The following RC3H1 variants were observed in gnomAD, a reference collection of about 807,000 sequenced individuals.
The protein encoded by RC3H1 is roquin-1.
Under a neutral mutation model 138.2 loss-of-function variants are expected in RC3H1, and 50 were observed. The ratio of observed to expected loss-of-function variants is 0.36; its 90% CI spans 0.29 to 0.46. The LOEUF is 0.46. RC3H1 is among the 20% of genes least tolerant of loss of function. RC3H1 has a pLI of 1.00. For synonymous variants in RC3H1, 462 were observed against 489.1 expected, an observed-to-expected ratio of 0.94 and a Z score of 0.73; for missense variants, 1,031 against 1,388.1, an observed-to-expected ratio of 0.74 and a Z score of 4.09.
At chr1:173,939,546 A>G (rs185281458) in intron 19 of RC3H1, among the ~76,000 whole-genome samples, 4,212 of 147,126 alleles carry the variant, frequency 0.029, 96 homozygotes, top group Middle Eastern at 0.083. Flanking sequence ...AAAAAAAAAA[A>G]AAAAAAAAAG....
At chr1:173,986,113 C>G (rs1661021241) in intron 2 of RC3H1, among the ~76,000 whole-genome samples, 2 of 151,334 alleles carry the variant, frequency 1.3e-5, no homozygotes, top group South Asian at 4.2e-4. Context: ...CCTCCGCCTC[C>G]TGGGTTCCAG....
chr1:173,980,829 T>C lies in RC3H1; in HGVS notation c.949A>G (p.Met317Val), dbSNP rs747298441. ...CCTACCTTGTCAATAATGGACTGCA[T>C]ATGAGATTTGTGAGACTGGTCTCCA... ...LYGDQSHKSH[M>V]QSIIDKLQTP... Residue 317 changes from methionine to valine, a missense_variant, in exon 6 of 20, where the codon ATG (methionine) becomes GTG (valine). By Grantham distance (21) the Met-to-Val change is conservative (BLOSUM62 1). This residue lies in a region of RC3H1 where 142 missense variants were observed against 224.6 expected (regional missense o/e 0.63). Transcript: ENST00000367696. The C allele has an allele frequency of 6.2e-7, 1 of 1,614,062 alleles. No homozygotes were observed. The highest frequency in any genetic ancestry group is 1.7e-5 in the Admixed American group (1 of 60,022).
rs777314717 is a variant in RC3H1 at position 173,946,585 on chromosome 1, A to G, written c.2852T>C (p.Val951Ala). The G allele has an allele frequency of 6.8e-6, 11 of 1,613,944 alleles. No homozygotes were observed. The highest frequency in any genetic ancestry group is 9.3e-6 in the Non-Finnish European group (11 of 1,179,942). ...SERERISMSE[V>A]ASHGKPLPSA... ...TGGAAGGGGTTTTCCATGACTGGCC[A>G]CTTCTGACATAGATATTCTCTCCCT... The change falls in exon 17 of 20, where the codon GTG becomes GCG. Residue 951 changes from valine (V) to alanine (A), a missense_variant. Val to Ala is a moderately conservative substitution (Grantham distance 64). This residue lies in a region of RC3H1 where 716 missense variants were observed against 837.9 expected (regional missense o/e 0.85). Transcript: ENST00000367696.
At chr1:174,017,871 A>C (rs1279388737) in intron 1 of RC3H1, among the ~76,000 whole-genome samples, 1 of 142,100 alleles carries the variant, frequency 7.0e-6, no homozygotes, top group Non-Finnish European at 1.5e-5. Flanking sequence ...ATGCACTTAT[A>C]AGTTAAATTA....
chr1:174,011,746 G>A (rs1433947512), intron 1 of RC3H1, among the ~76,000 whole-genome samples: 1 of 152,126 alleles, frequency 6.6e-6, no homozygotes, highest in Non-Finnish European at 1.5e-5. Flanking sequence ...TTAGGAAGAT[G>A]CAAGTTCATA....
At chr1:173,984,974 T>C (rs2103017665) in intron 2 of RC3H1, among the ~76,000 whole-genome samples, 1 of 152,326 alleles carries the variant, frequency 6.6e-6, no homozygotes, top group Admixed American at 6.5e-5. Context: ...TACCCCTTAT[T>C]TCTTCCCAAC....
chr1:173,990,235 C>T (rs1474618923), intron 2 of RC3H1, among the ~76,000 whole-genome samples: 2 of 151,720 alleles, frequency 1.3e-5, no homozygotes, highest in Admixed American at 6.6e-5. Flanking sequence ...ACCTTCACAC[C>T]TGGCTAATTT....
chr1:173,970,453 C>T lies in RC3H1; in HGVS notation c.1334+52G>A, dbSNP rs182288115. On this transcript the variant is annotated intron_variant, in intron 9 of 19. Coordinates refer to ENST00000367696, the MANE Select transcript of RC3H1 (RefSeq NM_172071.4). ...CTCTTTCTGTATTTCTGTATGTCAG[C>T]GAATTATTCCACTTACACCTTATTC... The T allele has an allele frequency of 2.3e-4, 270 of 1,159,926 alleles. 1 individual carries two copies. The African/African-American group carries it at 3.8e-3, about 16-fold the overall frequency. 71.9% of individuals were successfully genotyped at this position (1,159,926 alleles called of 1,614,324 possible).
intron 10 of RC3H1, 92 bp downstream of exon 10, chr1:173,964,744 GTTT>G: frequency 2.1e-6 from 2 of 941,876 alleles, no homozygotes; most frequent in Non-Finnish European, 3.0e-6. Context: ...AATAATCAGG[GTTT>G]TTTTTTTTTA....
chr1:173,975,345 T>C (rs1324549020), intron 7 of RC3H1, among the ~76,000 whole-genome samples: 2 of 152,008 alleles, frequency 1.3e-5, no homozygotes, highest in South Asian at 2.1e-4. Context: ...CCGCCCGCCT[T>C]GGCCTCCCAA....
chr1:173,983,031 G>T, intron 4 of RC3H1, 129 bp from the exon 5 acceptor site: 2 of 748,544 alleles, frequency 2.7e-6, no homozygotes, highest in Non-Finnish European at 4.1e-6. Context: ...AGATTAACCA[G>T]CAACACACTT....
chr1:173,952,720 T>G (rs1021301154), intron 13 of RC3H1, among the ~76,000 whole-genome samples: 7 of 152,208 alleles, frequency 4.6e-5, no homozygotes, highest in Admixed American at 6.5e-5. Flanking sequence ...GTCTAATTTT[T>G]ATCTTCTCAA....
At chr1:173,938,991 T>C in intron 19 of RC3H1, 120 bp from the exon 20 acceptor site, 1 of 703,066 alleles carries the variant, frequency 1.4e-6, no homozygotes, top group Non-Finnish European at 2.2e-6. Context: ...CATTTTAATC[T>C]ACAGCCCCTT....
intron 2 of RC3H1, among the ~76,000 whole-genome samples, chr1:173,990,498 T>C (rs1333036512): frequency 7.0e-6 from 1 of 142,654 alleles, no homozygotes; most frequent in Non-Finnish European, 1.5e-5. Flanking sequence ...ATATATTACT[T>C]ATTTAACAGT....
At chr1:173,948,684 G>A (rs1175821129) in intron 14 of RC3H1, among the ~76,000 whole-genome samples, 2 of 152,012 alleles carry the variant, frequency 1.3e-5, no homozygotes, top group East Asian at 3.9e-4. Context: ...AACCTCCTGG[G>A]CTCAAGCGAT....
chr1:173,977,613 T>C (rs989713529), intron 7 of RC3H1, among the ~76,000 whole-genome samples: 3 of 152,248 alleles, frequency 2.0e-5, no homozygotes, highest in African/African-American at 4.8e-5. Flanking sequence ...GCAGAGATAA[T>C]AGTGATAGAG....
At chr1:173,979,733 C>T (rs547831614) in intron 6 of RC3H1, among the ~76,000 whole-genome samples, 11 of 152,280 alleles carry the variant, frequency 7.2e-5, no homozygotes, top group African/African-American at 2.4e-4. Context: ...CATTACTAAG[C>T]GTTAAGCGTT....
chr1:173,959,081 G>GA (rs1659761097), intron 13 of RC3H1, among the ~76,000 whole-genome samples: 1 of 152,032 alleles, frequency 6.6e-6, no homozygotes. Flanking sequence ...AAGAATATGT[G>GA]TTATCATCAC....
In RC3H1 at chr1:173,946,461, T is replaced by C. The variant is rs182028022; in HGVS notation, c.2961+15A>G. ...CCTTCAAAAATTGGAATAAAATGGCTCTCTAGGCTGGTACCTCTAGTCCAC... is the reference window on the plus strand; with the variant it reads ...CCTTCAAAAATTGGAATAAAATGGCCCTCTAGGCTGGTACCTCTAGTCCAC... On this transcript the variant is annotated intron_variant, in intron 17 of 19. Coordinates refer to ENST00000367696, the MANE Select transcript of RC3H1 (RefSeq NM_172071.4). 59 of 1,601,458 alleles carry C rather than the reference T, an allele frequency of 3.7e-5. 2 individuals are homozygous for C. The highest frequency in any genetic ancestry group is 3.3e-4 in the Middle Eastern group (2 of 5,998).
Sources: gnomAD v4.1 joint callset for allele counts (sites outside exome capture counted in the v4.1 genomes callset) on GRCh38, gnomAD v4.1.1 for gene constraint, gnomAD v4.1.1 regional missense constraint, MANE v1.5 for transcripts, NCBI Gene and HGNC (gene_info 2026-07-23, HGNC 2026-07-21) for gene names.